Variants in AHCYL2 observed in about 807,000 individuals in gnomAD.
The protein encoded by AHCYL2 is adenosylhomocysteinase like 2, also known as S-adenosylhomocysteine hydrolase-like protein 2.
Under a neutral mutation model 81.4 loss-of-function variants are expected in AHCYL2, and 28 were observed. The ratio of observed to expected loss-of-function variants is 0.34; its 90% CI spans 0.25 to 0.47. AHCYL2 has a LOEUF of 0.47. AHCYL2 is among the 20% of genes least tolerant of loss of function. AHCYL2 has a pLI of 1.00. For missense variants in AHCYL2, 551 were observed against 785.1 expected (o/e 0.70, Z 3.56); for synonymous variants, 272 against 290.2 (o/e 0.94, Z 0.64).
At chr7:129,332,038 C>T (rs1798444229) in intron 1 of AHCYL2, among the ~76,000 whole-genome samples, 1 of 151,788 alleles carries the variant, frequency 6.6e-6, no homozygotes, top group Non-Finnish European at 1.5e-5. Flanking sequence ...CTTCAAAATT[C>T]ATACCTCAAT....
chr7:129,366,547 T>C lies in AHCYL2; in HGVS notation c.364-13091T>C, dbSNP rs899980260. On this transcript the variant is annotated intron_variant, in intron 1 of 16. Coordinates refer to ENST00000325006, the MANE Select transcript of AHCYL2 (RefSeq NM_015328.4). ...CTGTAGTCCCAGCACTTTGGGAGGC[T>C]GAGGCAGGTGGATCACCTGAGGTCA... 2.6e-5 allele frequency among the ~76,000 whole-genome samples: 4 copies of C among 152,124 alleles called. No homozygotes were observed. In the East Asian group the frequency reaches 7.7e-4, roughly 29 times the overall value.
chr7:129,235,343 C>G (rs1794605463), intron 1 of AHCYL2, among the ~76,000 whole-genome samples: 1 of 151,878 alleles, frequency 6.6e-6, no homozygotes, highest in African/African-American at 2.4e-5. Context: ...CTCCTGGGCT[C>G]AAGAGAGGCT....
At chr7:129,255,244 G>C (rs1795372275) in intron 1 of AHCYL2, among the ~76,000 whole-genome samples, 1 of 152,224 alleles carries the variant, frequency 6.6e-6, no homozygotes, top group East Asian at 1.9e-4. Context: ...CTGGGTGGCA[G>C]AGCGAGAGTC....
chr7:129,272,207 C>T (rs1282255527), intron 1 of AHCYL2, among the ~76,000 whole-genome samples: 1 of 152,168 alleles, frequency 6.6e-6, no homozygotes, highest in Non-Finnish European at 1.5e-5. Context: ...CATCACTTTT[C>T]AGCTACGTGA....
In AHCYL2 at chr7:129,324,762, G is replaced by C. The variant is rs1228980353; in HGVS notation, c.364-54876G>C. Among the ~76,000 whole-genome samples, 3 of 152,198 alleles carry C rather than the reference G, an allele frequency of 2.0e-5. No homozygotes were observed. In the East Asian group the frequency reaches 5.8e-4, roughly 30 times the overall value. ...AATCTCCTGACCTCGTGATCCACCT[G>C]CCTCAGCCTCCCAAAGTGCTGGGAT... is the stretch of plus-strand genomic sequence containing the variant. On this transcript the variant is annotated intron_variant, in intron 1 of 16. Transcript: ENST00000325006.
At chr7:129,308,520 A>C (rs1008092602) in intron 1 of AHCYL2, among the ~76,000 whole-genome samples, 59 of 152,206 alleles carry the variant, frequency 3.9e-4, no homozygotes, top group African/African-American at 1.4e-3. Context: ...ATGTAGTTAA[A>C]ACCAGGTACT....
chr7:129,361,708 T>C (rs909878321), intron 1 of AHCYL2, among the ~76,000 whole-genome samples: 2 of 152,120 alleles, frequency 1.3e-5, no homozygotes, highest in Non-Finnish European at 2.9e-5. Flanking sequence ...TAGATCATTG[T>C]AACTTCAAAC....
intron 1 of AHCYL2, among the ~76,000 whole-genome samples, chr7:129,309,845 C>A (rs1797588302): frequency 6.6e-6 from 1 of 151,944 alleles, no homozygotes; most frequent in African/African-American, 2.4e-5. Flanking sequence ...CCTTTTCCTT[C>A]AGCAGCTGTT....
intron 1 of AHCYL2, among the ~76,000 whole-genome samples, chr7:129,324,108 C>G (rs1034632049): frequency 6.6e-6 from 1 of 151,986 alleles, no homozygotes; most frequent in Non-Finnish European, 1.5e-5. Context: ...GTCTTGAACT[C>G]CTGACCTTTG....
At chr7:129,341,633 G>A (rs749257143) in intron 1 of AHCYL2, among the ~76,000 whole-genome samples, 59 of 152,324 alleles carry the variant, frequency 3.9e-4, no homozygotes, top group Admixed American at 9.8e-4. Flanking sequence ...CGGCGGCAGT[G>A]GCTGGCAGGG....
intron 1 of AHCYL2, among the ~76,000 whole-genome samples, chr7:129,354,439 G>A (rs924397136): frequency 4.5e-4 from 68 of 152,320 alleles, no homozygotes; most frequent in African/African-American, 1.5e-3. Context: ...CATTATGACA[G>A]CTGGTATGGA....
chr7:129,375,140 C>A (rs1794617620), intron 1 of AHCYL2, among the ~76,000 whole-genome samples: 1 of 152,170 alleles, frequency 6.6e-6, no homozygotes, highest in African/African-American at 2.4e-5. Context: ...TGTGCCAAAT[C>A]AGCAACAATC....
chr7:129,397,797 A>T (rs898422510), intron 5 of AHCYL2, among the ~76,000 whole-genome samples: 1 of 152,232 alleles, frequency 6.6e-6, no homozygotes, highest in African/African-American at 2.4e-5. Context: ...TTGATGGACA[A>T]AAGAAATAGA....
chr7:129,321,020 G>C (rs187751919), intron 1 of AHCYL2, among the ~76,000 whole-genome samples: 19 of 152,242 alleles, frequency 1.2e-4, no homozygotes, highest in Non-Finnish European at 2.9e-5. Context: ...CACAATGTCT[G>C]TATCTTAACC....
chr7:129,336,099 C>T (rs2150809197), intron 1 of AHCYL2, among the ~76,000 whole-genome samples: 1 of 141,560 alleles, frequency 7.1e-6, no homozygotes, highest in African/African-American at 2.8e-5. Flanking sequence ...GACGGAGTCC[C>T]ACTCTGTCAC....
intron 1 of AHCYL2, among the ~76,000 whole-genome samples, chr7:129,277,235 C>T (rs556190112): frequency 6.7e-6 from 1 of 149,438 alleles, no homozygotes; most frequent in South Asian, 2.1e-4. Flanking sequence ...ACTATTGTTA[C>T]AATGAAGATA....
intron 5 of AHCYL2, among the ~76,000 whole-genome samples, chr7:129,399,901 A>G (rs529390109): frequency 1.3e-5 from 2 of 151,972 alleles, no homozygotes; most frequent in African/African-American, 4.8e-5. Context: ...TAATTTTTGT[A>G]TTTTTAGTAG....
At chr7:129,359,315 C>T (rs1198485152) in intron 1 of AHCYL2, among the ~76,000 whole-genome samples, 2 of 152,154 alleles carry the variant, frequency 1.3e-5, no homozygotes, top group African/African-American at 2.4e-5. Flanking sequence ...TGACAAGAGT[C>T]AGGACAGAGA....
intron 1 of AHCYL2, among the ~76,000 whole-genome samples, chr7:129,338,798 G>A (rs1793054235): frequency 6.6e-6 from 1 of 152,146 alleles, no homozygotes. Context: ...TATGAATTGT[G>A]AATATTTCCC....
Sources: allele counts gnomAD v4.1 joint callset (sites outside exome capture counted in the v4.1 genomes callset), GRCh38; gene constraint gnomAD v4.1.1; transcripts MANE v1.5; gene names NCBI Gene and HGNC (gene_info 2026-07-23, HGNC 2026-07-21).